Variants in VWA3B observed in about 807,000 individuals in gnomAD.
VWA3B encodes the protein von Willebrand factor A domain-containing protein 3B.
In VWA3B, 138 loss-of-function variants were observed where a neutral mutation model predicts 158.3. The observed-to-expected ratio is 0.87, with a 90% CI of 0.76 to 1.00. The LOEUF (loss-of-function observed/expected upper bound fraction) is 1.00. Ranked by LOEUF, VWA3B falls within the 50% of genes least tolerant of loss-of-function variation. VWA3B has a pLI of 0.00. For synonymous variants in VWA3B, 596 were observed against 587.3 expected (o/e 1.01, Z -0.21); for missense variants, 1,555 against 1,565.1 (o/e 0.99, Z 0.11).
At chr2:98,180,080 CTT>C (rs1359352339) in intron 8 of VWA3B, among the ~76,000 whole-genome samples, 1 of 145,228 alleles carries the variant, frequency 6.9e-6, no homozygotes, top group African/African-American at 2.6e-5. Flanking sequence ...CTCTTTCTTT[CTT>C]TCTCTCTTTC....
chr2:98,261,901 A>T (rs917362033), intron 21 of VWA3B, among the ~76,000 whole-genome samples: 1 of 151,664 alleles, frequency 6.6e-6, no homozygotes, highest in African/African-American at 2.4e-5. Flanking sequence ...ATCCTGCTGG[A>T]AGTTTTCTGA....
At chr2:98,233,357 C>A (rs1376451724) in intron 16 of VWA3B, among the ~76,000 whole-genome samples, 1 of 152,066 alleles carries the variant, frequency 6.6e-6, no homozygotes, top group Non-Finnish European at 1.5e-5. Context: ...TGTTTCATTC[C>A]GTATTTGTGG....
At chr2:98,276,883 C>G (rs1456269255) in intron 22 of VWA3B, among the ~76,000 whole-genome samples, 1 of 152,190 alleles carries the variant, frequency 6.6e-6, no homozygotes, top group Non-Finnish European at 1.5e-5. Context: ...CCCTCCCCCG[C>G]CCCATAGCTG....
At chr2:98,301,477 T>C (rs766165994) in intron 25 of VWA3B, among the ~76,000 whole-genome samples, 3 of 152,176 alleles carry the variant, frequency 2.0e-5, no homozygotes, top group Non-Finnish European at 4.4e-5. Context: ...TACAGGGTGA[T>C]TGTGAGGCTT....
At chr2:98,259,983 T>G (rs572841766) in intron 21 of VWA3B, among the ~76,000 whole-genome samples, 2 of 151,910 alleles carry the variant, frequency 1.3e-5, no homozygotes, top group East Asian at 3.9e-4. Flanking sequence ...ATTTCTTCTT[T>G]GCCCTATTGG....
intron 2 of VWA3B, among the ~76,000 whole-genome samples, chr2:98,109,677 A>G (rs1274308132): frequency 3.3e-5 from 5 of 152,060 alleles, no homozygotes; most frequent in Admixed American, 1.3e-4. Context: ...TTTATTCTTT[A>G]AGAGTAGCTC....
intron 12 of VWA3B, among the ~76,000 whole-genome samples, chr2:98,210,343 C>T (rs994063874): frequency 3.9e-5 from 6 of 152,132 alleles, no homozygotes; most frequent in African/African-American, 1.2e-4. Flanking sequence ...AAGATGCATC[C>T]TACGCTGGGC....
chr2:98,199,142 T>A (rs1367998042), intron 12 of VWA3B, among the ~76,000 whole-genome samples: 3 of 152,052 alleles, frequency 2.0e-5, no homozygotes, highest in African/African-American at 7.2e-5. Flanking sequence ...TTCTTATAAG[T>A]TCGTCCAACT....
chr2:98,206,000 TG>T (rs1401732782), intron 12 of VWA3B, among the ~76,000 whole-genome samples: 13 of 152,254 alleles, frequency 8.5e-5, no homozygotes, highest in African/African-American at 3.1e-4. Flanking sequence ...TGCAGTCTTT[TG>T]TTGGGTGGAG....
rs1296983576 is a variant in VWA3B, at chr2:98,290,761, A to T, written c.3157+139A>T. ...AGCTAGTCCACTTTTCACAGAGAAGAAGTGGAATATCTCTGGCCAGCTCAT... is the reference window on the plus strand; with the variant it reads ...AGCTAGTCCACTTTTCACAGAGAAGTAGTGGAATATCTCTGGCCAGCTCAT... On this transcript the variant is annotated intron_variant, in intron 23 of 27. Transcript: ENST00000477737. 4 of 649,422 alleles carry T rather than the reference A, an allele frequency of 6.2e-6. No homozygotes were observed. The African/African-American group carries it at 7.5e-5, about 12-fold the overall frequency. The allele number at this position is 649,422 out of a possible 1,614,324, so 40.2% of individuals were successfully genotyped here.
chr2:98,312,050 G>A lies in VWA3B; in HGVS notation c.3735+18G>A, dbSNP rs567303758. 8 of 1,592,036 alleles carry A rather than the reference G, an allele frequency of 5.0e-6. No homozygotes were observed. The Admixed American group carries it at 8.9e-5, about 18-fold the overall frequency. On this transcript the variant is annotated intron_variant, in intron 27 of 27. Transcript: ENST00000477737. ...AGCCCAGGGTTTGGGTGATGGGGGG[G>A]GAACACAACATCGCTTATCTCAGGA...
intron 22 of VWA3B, among the ~76,000 whole-genome samples, 177 bp from the exon 23 acceptor site, chr2:98,290,334 C>A (rs1689411845): frequency 6.6e-6 from 1 of 152,124 alleles, no homozygotes; most frequent in African/African-American, 2.4e-5. Flanking sequence ...CTAAACCACC[C>A]CCATGATCCA....
intron 2 of VWA3B, among the ~76,000 whole-genome samples, chr2:98,101,635 T>G (rs1683080233): frequency 6.6e-6 from 1 of 152,216 alleles, no homozygotes; most frequent in African/African-American, 2.4e-5. Context: ...TGTTGTAGAT[T>G]GATTTGGAGG....
At chr2:98,325,074 G>A in the VWA3B span, among the ~76,000 whole-genome samples, 11 of 152,144 alleles carry the variant, frequency 7.2e-5, no homozygotes, top group African/African-American at 1.9e-4. Context: ...TTTGTAATCC[G>A]AGTTTTAAGA....
intron 26 of VWA3B, among the ~76,000 whole-genome samples, chr2:98,309,065 G>A (rs1467152457): frequency 2.0e-5 from 3 of 151,384 alleles, no homozygotes; most frequent in South Asian, 2.1e-4. Context: ...CCAGCTACTC[G>A]GGAGGCTGAG....
Position 98,115,723 on chromosome 2 carries a change from G to A in VWA3B, c.268G>A (p.Ala90Thr). 1 of 1,613,294 alleles carries A rather than the reference G, an allele frequency of 6.2e-7. No individual in the cohort carries two copies. The highest frequency in any genetic ancestry group is 8.5e-7 in the Non-Finnish European group (1 of 1,179,988). The change falls in exon 3 of 28, where the codon GCA (alanine) becomes ACA (threonine). Residue 90 changes from alanine to threonine, a missense_variant. By Grantham distance (58) the Ala-to-Thr change is moderately conservative. Transcript: ENST00000477737. ...ADGLFPQLYR[A>T]EDGRVYNLTA... ...TGGTCTGTTTCCACAGCTCTACAGAGCAGAAGATGGCAGAGTATACAATGT... is the reference window on the plus strand; with the variant it reads ...TGGTCTGTTTCCACAGCTCTACAGAACAGAAGATGGCAGAGTATACAATGT...
chr2:98,280,845 G>T (rs1218880419), intron 22 of VWA3B, among the ~76,000 whole-genome samples: 10 of 152,196 alleles, frequency 6.6e-5, no homozygotes, highest in African/African-American at 1.9e-4. Flanking sequence ...TGGCCGGCCA[G>T]GCAGCACTGC....
chr2:98,132,308 T>C (rs1210154002), intron 6 of VWA3B, among the ~76,000 whole-genome samples: 1 of 152,214 alleles, frequency 6.6e-6, no homozygotes, highest in Non-Finnish European at 1.5e-5. Context: ...GGACACCCCA[T>C]GGCTTCTGGT....
intron 8 of VWA3B, among the ~76,000 whole-genome samples, chr2:98,165,328 C>G (rs1678977761): frequency 6.6e-6 from 1 of 152,206 alleles, no homozygotes; most frequent in African/African-American, 2.4e-5. Context: ...GATGATGAAG[C>G]CTAGATTCAA....
Sources: allele counts gnomAD v4.1 joint callset (sites outside exome capture counted in the v4.1 genomes callset), GRCh38; gene constraint gnomAD v4.1.1; transcripts MANE v1.5; gene names NCBI Gene and HGNC (gene_info 2026-07-23, HGNC 2026-07-21).